LIMD1: variants seen among roughly 807,000 people sequenced by gnomAD.
LIMD1 encodes LIM domain containing 1, also known as LIM domain-containing protein 1.
LIMD1 carries 23 observed loss-of-function variants against 58.4 expected under a neutral mutation model. The ratio of observed to expected loss-of-function variants is 0.39; its 90% CI spans 0.28 to 0.56. LIMD1 has a LOEUF of 0.56. Ranked by LOEUF, LIMD1 falls within the 20% of genes least tolerant of loss-of-function variation. The probability of loss-of-function intolerance (pLI) is 0.57; values close to 1 mark genes in which losing one functional copy is unlikely to be tolerated. For missense variants in LIMD1, 838 were observed against 855.5 expected, an observed-to-expected ratio of 0.98 and a Z score of 0.25; for synonymous variants, 334 against 345.5, an observed-to-expected ratio of 0.97 and a Z score of 0.37.
intron 4 of LIMD1, among the ~76,000 whole-genome samples, chr3:45,670,030 A>T (rs553016561): frequency 6.6e-6 from 1 of 152,190 alleles, no homozygotes; most frequent in African/African-American, 2.4e-5. Flanking sequence ...TCTTAGCCCT[A>T]TTAGAGCCAT....
At chr3:45,623,000 G>A (rs1701640699) in intron 1 of LIMD1, among the ~76,000 whole-genome samples, 1 of 152,116 alleles carries the variant, frequency 6.6e-6, no homozygotes. Flanking sequence ...ATGCCAAACT[G>A]CCCTCCAGAA....
chr3:45,662,719 G>A (rs536282691), intron 2 of LIMD1, among the ~76,000 whole-genome samples: 34 of 152,202 alleles, frequency 2.2e-4, no homozygotes, highest in Middle Eastern at 3.4e-3. Context: ...GTTTGTGGCC[G>A]GGCATGGTGG....
At chr3:45,638,207 A>G (rs888103847) in intron 2 of LIMD1, among the ~76,000 whole-genome samples, 4 of 152,074 alleles carry the variant, frequency 2.6e-5, no homozygotes, top group African/African-American at 4.8e-5. Flanking sequence ...TTATTAATTG[A>G]TGAGTTAAAT....
chr3:45,670,889 AC>A (rs548565758), intron 4 of LIMD1, among the ~76,000 whole-genome samples: 2 of 152,076 alleles, frequency 1.3e-5, no homozygotes, highest in South Asian at 4.1e-4. Context: ...CTCTCTATAT[AC>A]CCTTTTGTTA....
At position 45,595,603 on chromosome 3, in the gene LIMD1, G is replaced by T. The variant is rs775188694; in HGVS notation, c.724G>T (p.Gly242Cys). 3.7e-6 allele frequency: 6 copies of T among 1,613,908 alleles called. No individual in the cohort carries two copies. In the South Asian group the frequency reaches 4.4e-5, roughly 12 times the overall value. The stretch of plus-strand genomic sequence containing the variant: ...CCTGAGCTCCAGCAGGTCTTCTGAG[G>T]GTAGCCTCGGTGGTCAGAATAGTGG... ...LSLSSSRSSE[G>C]SLGGQNSGIG... Residue 242 changes from glycine (G) to cysteine (C), a missense_variant, in exon 1 of 8, where the codon GGT becomes TGT. Coordinates refer to ENST00000273317, the MANE Select transcript of LIMD1 (RefSeq NM_014240.3).
intron 1 of LIMD1, among the ~76,000 whole-genome samples, chr3:45,622,502 G>A (rs1409964186): frequency 6.6e-6 from 1 of 152,024 alleles, no homozygotes; most frequent in Non-Finnish European, 1.5e-5. Context: ...AACAATTATA[G>A]CACAATTATA....
intron 2 of LIMD1, among the ~76,000 whole-genome samples, chr3:45,640,611 G>C (rs146094853): frequency 1.3e-5 from 2 of 152,044 alleles, no homozygotes; most frequent in South Asian, 4.1e-4. Flanking sequence ...TGTATTTTTC[G>C]TAGAGACAGG....
chr3:45,662,652 C>T (rs1697458209), intron 2 of LIMD1, among the ~76,000 whole-genome samples: 1 of 152,092 alleles, frequency 6.6e-6, no homozygotes, highest in Non-Finnish European at 1.5e-5. Context: ...AATTTTCCTA[C>T]TGTTACCATA....
In LIMD1 at chr3:45,684,088, G is replaced by A. The variant is rs1403288808; in HGVS notation, c.*7029G>A. 1 of 151,988 alleles carries A rather than the reference G, an allele frequency of 6.6e-6. No homozygotes were observed. Among genetic ancestry groups the A allele is most frequent in the Non-Finnish European group, 1.5e-5 (1 of 68,012 alleles). 9.4% of individuals were successfully genotyped at this position (151,988 alleles called of 1,614,324 possible). Reference sequence around the variant, plus strand: ...CTCTAGGTGTAAAAAAACAGAGTAGGTCATACTCTGTGGGTTATGGTCAGA... The same window carrying A: ...CTCTAGGTGTAAAAAAACAGAGTAGATCATACTCTGTGGGTTATGGTCAGA... On this transcript the variant is annotated 3_prime_UTR_variant, in exon 8 of 8. Transcript: ENST00000273317.
chr3:45,631,742 G>A (rs1019351439), intron 1 of LIMD1, among the ~76,000 whole-genome samples: 65 of 152,162 alleles, frequency 4.3e-4, no homozygotes, highest in African/African-American at 1.5e-3. Context: ...AAGTCCAGTG[G>A]GGCACTGGCT....
Position 45,679,380 on chromosome 3 carries a change from G to A in LIMD1, c.*2321G>A, listed in dbSNP as rs982145563. On this transcript the variant is annotated 3_prime_UTR_variant, in exon 8 of 8. Coordinates refer to ENST00000273317, the MANE Select transcript of LIMD1 (RefSeq NM_014240.3). ...TCTCCAATCAGTTGTTTTTCTCTTCGCTTCAGGCCCTTACACAAAAGCCAT... is the reference window on the plus strand; with the variant it reads ...TCTCCAATCAGTTGTTTTTCTCTTCACTTCAGGCCCTTACACAAAAGCCAT... The A allele has an allele frequency of 7.2e-5, 11 of 152,130 alleles. No individual in the cohort carries two copies. Among genetic ancestry groups the A allele is most frequent in the African/African-American group, 2.4e-4 (10 of 41,408 alleles). 9.4% of individuals were successfully genotyped at this position (152,130 alleles called of 1,614,324 possible). A position where few individuals can be genotyped will look rare whatever the true frequency, so the allele number is the denominator to read the frequency against.
At chr3:45,643,530 C>A (rs1328378502) in intron 2 of LIMD1, among the ~76,000 whole-genome samples, 1 of 151,918 alleles carries the variant, frequency 6.6e-6, no homozygotes, top group Non-Finnish European at 1.5e-5. Flanking sequence ...TAGGCAAGGT[C>A]CTGTGTGCTC....
intron 3 of LIMD1, among the ~76,000 whole-genome samples, chr3:45,667,125 A>G (rs1429288880): frequency 6.6e-6 from 1 of 152,200 alleles, no homozygotes; most frequent in Admixed American, 6.5e-5. Context: ...CAGAGTTTAC[A>G]TTCTCTCAGT....
At chr3:45,659,329 C>T (rs1443125187) in intron 2 of LIMD1, among the ~76,000 whole-genome samples, 1 of 152,066 alleles carries the variant, frequency 6.6e-6, no homozygotes, top group Non-Finnish European at 1.5e-5. Flanking sequence ...AGTCTGGGTG[C>T]AGTAGTTCAC....
intron 2 of LIMD1, among the ~76,000 whole-genome samples, chr3:45,662,970 C>T (rs577229190): frequency 4.0e-5 from 6 of 150,602 alleles, no homozygotes; most frequent in South Asian, 2.1e-4. Context: ...GGCGACACAG[C>T]GAGACTCCGT....
intron 1 of LIMD1, among the ~76,000 whole-genome samples, chr3:45,604,470 C>T (rs752692216): frequency 3.3e-5 from 5 of 152,310 alleles, no homozygotes; most frequent in Middle Eastern, 6.8e-3. Context: ...ATGATGCATA[C>T]GTGTCAGGTC....
intron 2 of LIMD1, among the ~76,000 whole-genome samples, chr3:45,650,714 A>T (rs1172249717): frequency 2.0e-5 from 3 of 151,874 alleles, no homozygotes; most frequent in African/African-American, 4.8e-5. Context: ...TATGTTCCAC[A>T]TTTTCTTTAT....
intron 2 of LIMD1, among the ~76,000 whole-genome samples, chr3:45,639,526 C>T (rs941299735): frequency 1.6e-4 from 24 of 152,134 alleles, no homozygotes; most frequent in African/African-American, 4.6e-4. Context: ...GCCCACTTCC[C>T]GGGCACTCAT....
At chr3:45,598,166 C>T (rs1701375998) in intron 1 of LIMD1, among the ~76,000 whole-genome samples, 2 of 151,982 alleles carry the variant, frequency 1.3e-5, no homozygotes, top group South Asian at 4.1e-4. Context: ...CTCTAGGTTG[C>T]CCAGGCTGTT....
Sources: gnomAD v4.1 joint callset for allele counts (sites outside exome capture counted in the v4.1 genomes callset) on GRCh38, gnomAD v4.1.1 for gene constraint, MANE v1.5 for transcripts, NCBI Gene and HGNC (gene_info 2026-07-23, HGNC 2026-07-21) for gene names.